JMJD1C: variants seen among roughly 807,000 people sequenced by gnomAD.
JMJD1C encodes jumonji domain containing 1C, also known as jumonji domain-containing protein 1C.
Under a neutral mutation model 245.3 loss-of-function variants are expected in JMJD1C, and 31 were observed. The observed-to-expected ratio is 0.13, with a 90% confidence interval of 0.09 to 0.17. The LOEUF (loss-of-function observed/expected upper bound fraction) is 0.17, where lower values mean the gene tolerates loss of function less well. Ranked by LOEUF, JMJD1C falls within the 10% of genes least tolerant of loss-of-function variation. The pLI is 1.00. For synonymous variants in JMJD1C, 1,057 were observed against 1,017.4 expected (o/e 1.04, Z -0.74); for missense variants, 2,691 against 3,000.2 (o/e 0.90, Z 2.41).
In JMJD1C at chr10:63,214,523, A is replaced by G; in HGVS notation, c.1644T>C (p.Ile548=). 3 of 1,614,002 alleles carry G rather than the reference A, an allele frequency of 1.9e-6. No homozygotes were observed. Among genetic ancestry groups the G allele is most frequent in the Non-Finnish European group, 2.5e-6 (3 of 1,179,998 alleles). Residue 548 remains isoleucine (I), a synonymous_variant, in exon 8 of 26, where the codon ATT becomes ATC. Transcript: ENST00000399262. The part of the protein sequence containing the change: ...DPNVSDSKHS[I]ANAKFLETAK... The stretch of plus-strand genomic sequence containing the variant: ...CTGTTTCCAAGAATTTTGCATTTGC[A>G]ATAGAGTGTTTTGAATCACTAACAT...
chr10:63,224,630 G>A (rs1849023671), intron 3 of JMJD1C, among the ~76,000 whole-genome samples: 1 of 152,106 alleles, frequency 6.6e-6, no homozygotes, highest in Admixed American at 6.6e-5. Context: ...GGTGCTAAAT[G>A]TTAGACAGAA....
At chr10:63,270,766 C>G (rs1372412396) in intron 2 of JMJD1C, among the ~76,000 whole-genome samples, 1 of 152,072 alleles carries the variant, frequency 6.6e-6, no homozygotes, top group African/African-American at 2.4e-5. Flanking sequence ...CCCTGACAGG[C>G]CTTATAGTAA....
intron 2 of JMJD1C, among the ~76,000 whole-genome samples, chr10:63,303,604 C>T (rs535928184): frequency 6.6e-6 from 1 of 152,212 alleles, no homozygotes; most frequent in East Asian, 1.9e-4. Context: ...CCATACCCGG[C>T]CTGCTTGTGC....
intron 2 of JMJD1C, among the ~76,000 whole-genome samples, chr10:63,372,362 T>C (rs1221488899): frequency 2.6e-5 from 4 of 152,244 alleles, no homozygotes; most frequent in African/African-American, 9.6e-5. Context: ...TGAGGACTTC[T>C]GTTTCTTCCT....
intron 2 of JMJD1C, among the ~76,000 whole-genome samples, chr10:63,271,200 G>C (rs1435355191): frequency 6.6e-6 from 1 of 151,668 alleles, no homozygotes; most frequent in Non-Finnish European, 1.5e-5. Flanking sequence ...TTCTGAGACA[G>C]AATCTCACTG....
At chr10:63,520,133 T>C (rs1229547268) in intron 1 of JMJD1C, among the ~76,000 whole-genome samples, 1 of 152,212 alleles carries the variant, frequency 6.6e-6, no homozygotes, top group Non-Finnish European at 1.5e-5. Context: ...TATTACCCAA[T>C]TTATTGACTG....
chr10:63,482,355 G>C (rs954848716), intron 1 of JMJD1C, among the ~76,000 whole-genome samples: 1 of 152,138 alleles, frequency 6.6e-6, no homozygotes, highest in Admixed American at 6.5e-5. Context: ...CAGCAAATGA[G>C]CCAGGCATGG....
At chr10:63,219,836 C>T (rs1301202763) in intron 4 of JMJD1C, 42 bp downstream of exon 4, 1 of 1,417,384 alleles carries the variant, frequency 7.1e-7, no homozygotes, top group Non-Finnish European at 1.0e-6. Context: ...GATAAGTTGC[C>T]TAGATCCAAA....
chr10:63,223,654 A>C (rs1048033945), intron 3 of JMJD1C, among the ~76,000 whole-genome samples: 6 of 152,232 alleles, frequency 3.9e-5, no homozygotes, highest in African/African-American at 1.4e-4. Context: ...CAACAGGTTA[A>C]AATAATGGGC....
intron 3 of JMJD1C, among the ~76,000 whole-genome samples, chr10:63,242,392 T>C (rs1851591974): frequency 6.6e-6 from 1 of 152,184 alleles, no homozygotes; most frequent in South Asian, 2.1e-4. Context: ...ATATGACTAG[T>C]AGCTACCAAT....
At chr10:63,379,438 TTTC>T (rs1430684550) in intron 2 of JMJD1C, among the ~76,000 whole-genome samples, 1 of 152,314 alleles carries the variant, frequency 6.6e-6, no homozygotes, top group Admixed American at 6.5e-5. Flanking sequence ...TTACTTCCTG[TTTC>T]TTTTCTTAAA....
At chr10:63,168,696 G>A in intron 24 of JMJD1C, 130 bp from the exon 25 acceptor site, 3 of 754,298 alleles carry the variant, frequency 4.0e-6, no homozygotes, top group Non-Finnish European at 3.8e-6. Flanking sequence ...AACATCAAAT[G>A]GATTTTAAAG....
At chr10:63,246,048 T>C (rs548722473) in intron 3 of JMJD1C, among the ~76,000 whole-genome samples, 3 of 151,408 alleles carry the variant, frequency 2.0e-5, no homozygotes, top group African/African-American at 7.3e-5. Context: ...AAAACAACAA[T>C]GAAAAGAAAT....
In JMJD1C at chr10:63,313,462, T is replaced by C. The variant is rs115440659; in HGVS notation, c.334-48698A>G. Among the ~76,000 whole-genome samples, 1,394 of 152,330 alleles carry C rather than the reference T, an allele frequency of 9.2e-3. 23 individuals are homozygous for C. Among genetic ancestry groups the C allele is most frequent in the African/African-American group, 0.032 (1,320 of 41,570 alleles). On this transcript the variant is annotated intron_variant, in intron 2 of 25. Transcript: ENST00000399262. ...ACTTTTCCTCTGGGTAGACACCCAGTAGTGAGACTGCTGGATCCCACTACT... is the reference window on the plus strand; with the variant it reads ...ACTTTTCCTCTGGGTAGACACCCAGCAGTGAGACTGCTGGATCCCACTACT...
chr10:63,282,435 T>C (rs376631901), intron 2 of JMJD1C, among the ~76,000 whole-genome samples: 1 of 152,214 alleles, frequency 6.6e-6, no homozygotes, highest in Non-Finnish European at 1.5e-5. Context: ...TGGTAACTTA[T>C]GCCGATATTT....
intron 2 of JMJD1C, among the ~76,000 whole-genome samples, chr10:63,303,503 G>A (rs10761740): frequency 0.67 from 101,546 of 151,958 alleles, 36,390 homozygotes; most frequent in Non-Finnish European, 0.81. Flanking sequence ...ACAGGGTTTC[G>A]TCATGTTGGC....
intron 3 of JMJD1C, among the ~76,000 whole-genome samples, chr10:63,245,151 AAAAAAAG>A (rs1398729390): frequency 2.0e-5 from 3 of 150,896 alleles, no homozygotes; most frequent in Admixed American, 2.0e-4. Flanking sequence ...AAAAAAAAAA[AAAAAAAG>A]AGAGATTAAA....
chr10:63,178,146 G>A (rs1002390485), intron 22 of JMJD1C, among the ~76,000 whole-genome samples: 6 of 152,076 alleles, frequency 3.9e-5, no homozygotes, highest in African/African-American at 1.4e-4. Flanking sequence ...TCACCATGTT[G>A]CCCAGGCTGG....
At chr10:63,240,037 C>T (rs191079819) in intron 3 of JMJD1C, among the ~76,000 whole-genome samples, 28 of 152,264 alleles carry the variant, frequency 1.8e-4, no homozygotes, top group East Asian at 1.2e-3. Context: ...ACTTATTACA[C>T]TTATTATCTA....
Sources: allele counts gnomAD v4.1 joint callset (sites outside exome capture counted in the v4.1 genomes callset), GRCh38; gene constraint gnomAD v4.1.1; transcripts MANE v1.5; gene names NCBI Gene and HGNC (gene_info 2026-07-23, HGNC 2026-07-21).